Variants in EPM2A observed in about 807,000 individuals in gnomAD.
EPM2A encodes EPM2A glucan phosphatase, laforin.
In EPM2A, 21 loss-of-function variants were observed where a neutral mutation model predicts 26.5. The ratio of observed to expected loss-of-function variants is 0.79; its 90% CI spans 0.56 to 1.14. The LOEUF is 1.14. Among genes scored for constraint, EPM2A ranks in the 50% most tolerant of loss-of-function variants. The pLI is 0.00. For synonymous variants in EPM2A, 217 were observed against 177.6 expected (o/e 1.22, Z -1.76); for missense variants, 458 against 440.8 (o/e 1.04, Z -0.35).
chr6:145,507,616 C>T (rs1376418300), intron 2 of EPM2A, among the ~76,000 whole-genome samples: 32 of 152,202 alleles, frequency 2.1e-4, no homozygotes, highest in Admixed American at 2.0e-3. Flanking sequence ...CAGGCTTATA[C>T]AAAGGCAGTC....
Position 145,415,255 on chromosome 6 carries a change from C to T in EPM2A, c.556-31158G>A, listed in dbSNP as rs774271329. Among the ~76,000 whole-genome samples, 85 of 152,202 alleles carry T rather than the reference C, an allele frequency of 5.6e-4. 1 individual carries two copies. The highest frequency in any genetic ancestry group is 1.0e-4 in the Non-Finnish European group (7 of 68,036). The stretch of plus-strand genomic sequence containing the variant: ...CAATATGTTAAAATGTGTGGCCTGA[C>T]AATGTACGGTTTTCACCTGAGCCAT... On this transcript the variant is annotated intron_variant, in intron 4 of 4. Coordinates refer to the EPM2A transcript ENST00000638717.
intron 2 of EPM2A, among the ~76,000 whole-genome samples, chr6:145,668,066 AT>A (rs1779361521): frequency 6.7e-6 from 1 of 148,892 alleles, no homozygotes; most frequent in African/African-American, 2.5e-5. Flanking sequence ...CTAAGGCTAG[AT>A]GACGAGTTAG....
At chr6:145,728,784 T>G (rs1212355400) in intron 1 of EPM2A, among the ~76,000 whole-genome samples, 1 of 152,168 alleles carries the variant, frequency 6.6e-6, no homozygotes, top group African/African-American at 2.4e-5. Context: ...CTGTAGAAAC[T>G]TGCATAAGTA....
rs9497295 is a variant in EPM2A at position 145,405,134 on chromosome 6, A to G, written c.556-21037T>C. On this transcript the variant is annotated intron_variant, in intron 4 of 4. Coordinates refer to the EPM2A transcript ENST00000638717. ...GTTGTGAATAGAAAAGTTGCTGACA[A>G]TGTTAGAAAAACTAAGCTTACACAA... Among the ~76,000 whole-genome samples the G allele has an allele frequency of 6.0e-3, 920 of 152,258 alleles. 6 individuals are homozygous for G. The highest frequency in any genetic ancestry group is 0.021 in the African/African-American group (879 of 41,564).
chr6:145,578,867 A>T (rs187817382), intron 2 of EPM2A, among the ~76,000 whole-genome samples: 266 of 152,266 alleles, frequency 1.7e-3, no homozygotes, highest in Non-Finnish European at 4.9e-4. Flanking sequence ...GCAGGAGAAG[A>T]AGGGCGTCTC....
At position 145,453,730 on chromosome 6, in the gene EPM2A, A is replaced by G. The variant is rs552940371; in HGVS notation, c.555+48792T>C. ...ATTCATGAGTGCTTTTTATTAGCAT[A>G]TGGCTTCATAATTATTACCTAAAGA... On this transcript the variant is annotated intron_variant, in intron 4 of 4. Coordinates refer to the EPM2A transcript ENST00000638717. Among the ~76,000 whole-genome samples, 3 of 152,286 alleles carry G rather than the reference A, an allele frequency of 2.0e-5. No homozygotes were observed. The South Asian group carries it at 6.2e-4, about 32-fold the overall frequency.
chr6:145,690,521 G>GAAAAAAAA (rs145052340), intron 1 of EPM2A, among the ~76,000 whole-genome samples: 1 of 87,024 alleles, frequency 1.1e-5, no homozygotes, highest in Non-Finnish European at 2.2e-5. Context: ...CGTCTCAAAA[G>GAAAAAAAA]AAAAAAAAAA....
chr6:145,734,970 T>C (rs1776754182), intron 1 of EPM2A: 4 of 318,212 alleles, frequency 1.3e-5, no homozygotes, highest in South Asian at 2.4e-4. Context: ...GGGAGCGCTA[T>C]ACGGGTCTAG....
At chr6:145,558,160 T>C (rs546490782) in intron 2 of EPM2A, among the ~76,000 whole-genome samples, 9 of 152,254 alleles carry the variant, frequency 5.9e-5, no homozygotes, top group Admixed American at 4.6e-4. Context: ...TTTTCTTTAT[T>C]CATTTATGGA....
At chr6:145,669,473 C>T (rs949715793) in intron 2 of EPM2A, among the ~76,000 whole-genome samples, 3 of 152,094 alleles carry the variant, frequency 2.0e-5, no homozygotes, top group African/African-American at 7.2e-5. Context: ...GGCAAAGTGA[C>T]CATAATACAC....
At chr6:145,601,242 C>T (rs1324815170) in intron 2 of EPM2A, among the ~76,000 whole-genome samples, 1 of 152,180 alleles carries the variant, frequency 6.6e-6, no homozygotes, top group Non-Finnish European at 1.5e-5. Flanking sequence ...ATCACTTTAT[C>T]TACAGACCTA....
chr6:145,491,589 C>T (rs1779756565), intron 4 of EPM2A, among the ~76,000 whole-genome samples: 1 of 152,194 alleles, frequency 6.6e-6, no homozygotes, highest in East Asian at 1.9e-4. Context: ...GGATAGGGGG[C>T]AGGGCAGGGC....
intron 4 of EPM2A, among the ~76,000 whole-genome samples, chr6:145,397,178 C>T (rs1384030512): frequency 6.6e-6 from 1 of 152,166 alleles, no homozygotes. Context: ...GGCCTGTAAT[C>T]TCAGCACTTT....
At chr6:145,684,669 T>C (rs1468268292) in intron 2 of EPM2A, 1 of 152,176 alleles carries the variant, frequency 6.6e-6, no homozygotes, top group Non-Finnish European at 1.5e-5. Flanking sequence ...CCATAAAATT[T>C]CTGACATCAA....
chr6:145,698,834 A>G (rs551683963), intron 1 of EPM2A, among the ~76,000 whole-genome samples: 1 of 152,282 alleles, frequency 6.6e-6, no homozygotes, highest in South Asian at 2.1e-4. Flanking sequence ...ACACCCCATA[A>G]GAGGAAAAAA....
chr6:145,569,292 C>A (rs1052213183), intron 2 of EPM2A, among the ~76,000 whole-genome samples: 1 of 152,184 alleles, frequency 6.6e-6, no homozygotes, highest in Non-Finnish European at 1.5e-5. Context: ...AGTAACTGGG[C>A]AGTCCATTAT....
chr6:145,416,619 A>G (rs1778711411), intron 4 of EPM2A, among the ~76,000 whole-genome samples: 1 of 152,220 alleles, frequency 6.6e-6, no homozygotes, highest in Non-Finnish European at 1.5e-5. Context: ...TTGCCTCTAT[A>G]GGAACAGTTT....
intron 2 of EPM2A, among the ~76,000 whole-genome samples, chr6:145,666,959 A>G (rs1339006268): frequency 1.5e-5 from 2 of 130,300 alleles, no homozygotes; most frequent in East Asian, 2.2e-4. Context: ...CTGGCTAGCC[A>G]TATGTAGAAA....
At chr6:145,698,476 T>C (rs150086544) in intron 1 of EPM2A, among the ~76,000 whole-genome samples, 12 of 152,196 alleles carry the variant, frequency 7.9e-5, no homozygotes, top group African/African-American at 2.6e-4. Flanking sequence ...CAGCTAAGAA[T>C]TTTAAGGGAA....
Sources: allele counts gnomAD v4.1 joint callset (sites outside exome capture counted in the v4.1 genomes callset), GRCh38; gene constraint gnomAD v4.1.1; transcripts MANE v1.5; gene names NCBI Gene and HGNC (gene_info 2026-07-23, HGNC 2026-07-21).